RGS6: variants seen among roughly 807,000 people sequenced by gnomAD.
RGS6 encodes regulator of G-protein signaling 6.
RGS6 carries 30 observed loss-of-function variants against 78.5 expected under a neutral mutation model. The ratio of observed to expected loss-of-function variants is 0.38; its 90% CI spans 0.29 to 0.52. The LOEUF (loss-of-function observed/expected upper bound fraction) is 0.52, where lower values mean the gene tolerates loss of function less well. RGS6 is among the 20% of genes least tolerant of loss of function. The pLI is 0.85. For synonymous variants in RGS6, 206 were observed against 206.0 expected (o/e 1.00, Z 0.00); for missense variants, 495 against 609.7 (o/e 0.81, Z 1.98).
the RGS6 span, among the ~76,000 whole-genome samples, chr14:72,606,452 C>T: frequency 2.0e-5 from 3 of 152,120 alleles, no homozygotes; most frequent in South Asian, 2.1e-4. Flanking sequence ...ATATCTCTAT[C>T]GCAACCCCAC....
chr14:72,027,507 T>C (rs945666115), intron 2 of RGS6, among the ~76,000 whole-genome samples: 16 of 151,754 alleles, frequency 1.1e-4, no homozygotes, highest in African/African-American at 3.9e-4. Flanking sequence ...CCTCTTCCAC[T>C]GGGAGTCCCA....
intron 1 of RGS6, among the ~76,000 whole-genome samples, chr14:71,961,682 T>C (rs1424612110): frequency 2.0e-5 from 3 of 152,190 alleles, no homozygotes; most frequent in Non-Finnish European, 4.4e-5. Flanking sequence ...GGGTTAGCTG[T>C]GAGTCCATAT....
At chr14:71,960,243 C>A (rs2153034562) in intron 1 of RGS6, among the ~76,000 whole-genome samples, 1 of 152,334 alleles carries the variant, frequency 6.6e-6, no homozygotes, top group African/African-American at 2.4e-5. Flanking sequence ...GCATCCCCTT[C>A]ACTATATTTT....
chr14:72,183,629 C>T (rs562829221), intron 2 of RGS6, among the ~76,000 whole-genome samples: 50 of 152,150 alleles, frequency 3.3e-4, no homozygotes, highest in African/African-American at 1.2e-3. Flanking sequence ...TTTGAAAGAA[C>T]ATGAATAATA....
At chr14:72,051,157 GA>G (rs201307998) in intron 2 of RGS6, among the ~76,000 whole-genome samples, 1 of 151,850 alleles carries the variant, frequency 6.6e-6, no homozygotes, top group East Asian at 1.9e-4. Context: ...AATGCAGTGG[GA>G]AAAAAAAGCA....
At chr14:71,881,810 G>C in the RGS6 span, among the ~76,000 whole-genome samples, 3 of 152,134 alleles carry the variant, frequency 2.0e-5, no homozygotes, top group Non-Finnish European at 4.4e-5. Flanking sequence ...CCAAACTAAA[G>C]GTGTATCTGA....
At chr14:72,462,846 C>T (rs1449320571) in intron 6 of RGS6, among the ~76,000 whole-genome samples, 1 of 152,136 alleles carries the variant, frequency 6.6e-6, no homozygotes, top group African/African-American at 2.4e-5. Flanking sequence ...AGGTTACCTC[C>T]AGTCTAAAAT....
chr14:72,292,494 G>A (rs1292677723), intron 2 of RGS6, among the ~76,000 whole-genome samples: 1 of 152,250 alleles, frequency 6.6e-6, no homozygotes, highest in African/African-American at 2.4e-5. Flanking sequence ...CTGCAGACTA[G>A]AGGGAAATGA....
At chr14:72,427,493 G>C (rs914965676) in intron 3 of RGS6, among the ~76,000 whole-genome samples, 1 of 152,172 alleles carries the variant, frequency 6.6e-6, no homozygotes, top group Admixed American at 6.5e-5. Flanking sequence ...AAAGTGAGGT[G>C]AGCCGACCAA....
intron 2 of RGS6, among the ~76,000 whole-genome samples, chr14:72,346,020 A>G (rs1442523102): frequency 6.6e-6 from 1 of 152,170 alleles, no homozygotes; most frequent in African/African-American, 2.4e-5. Context: ...TCCTTTGCAG[A>G]CACCAAAACA....
At chr14:72,275,628 C>T (rs895708188) in intron 2 of RGS6, among the ~76,000 whole-genome samples, 1 of 152,178 alleles carries the variant, frequency 6.6e-6, no homozygotes, top group Non-Finnish European at 1.5e-5. Flanking sequence ...TAATCTATAG[C>T]ATCTATTGGC....
At chr14:72,122,379 G>T (rs1239700375) in intron 2 of RGS6, among the ~76,000 whole-genome samples, 1 of 152,104 alleles carries the variant, frequency 6.6e-6, no homozygotes, top group African/African-American at 2.4e-5. Flanking sequence ...ACAGACCACT[G>T]ATATCTACTG....
chr14:72,176,295 G>T (rs1598880420), intron 2 of RGS6, among the ~76,000 whole-genome samples: 1 of 152,186 alleles, frequency 6.6e-6, no homozygotes, highest in Admixed American at 6.5e-5. Flanking sequence ...CCCTCATTGG[G>T]GGAGATGACA....
chr14:71,962,779 T>G (rs1022336359), intron 1 of RGS6, among the ~76,000 whole-genome samples: 1 of 152,244 alleles, frequency 6.6e-6, no homozygotes. Context: ...TTTCGGCAAT[T>G]AAATTCTTAG....
In RGS6 at chr14:72,098,886, T is replaced by A. The variant is rs149983765; in HGVS notation, c.84+134011T>A. 5.5e-3 allele frequency among the ~76,000 whole-genome samples: 845 copies of A among 152,318 alleles called. 3 individuals are homozygous for A. The highest frequency in any genetic ancestry group is 0.018 in the African/African-American group (755 of 41,554). ...CTGTACTGCTAAGTGCGTAGAGCCCTAGTACCCACAGGGCACACACAAACA... is the reference window on the plus strand; with the variant it reads ...CTGTACTGCTAAGTGCGTAGAGCCCAAGTACCCACAGGGCACACACAAACA... On this transcript the variant is annotated intron_variant, in intron 2 of 17. Coordinates refer to ENST00000553525, the MANE Select transcript of RGS6 (RefSeq NM_001204424.2).
intron 2 of RGS6, among the ~76,000 whole-genome samples, chr14:71,988,841 A>G (rs2094833556): frequency 6.6e-6 from 1 of 152,196 alleles, no homozygotes; most frequent in Admixed American, 6.5e-5. Context: ...AATTAGAAAC[A>G]AGTGCACATT....
At chr14:72,622,854 C>T in the RGS6 span, among the ~76,000 whole-genome samples, 1 of 152,164 alleles carries the variant, frequency 6.6e-6, no homozygotes, top group African/African-American at 2.4e-5. Context: ...CAACCTCACC[C>T]CCTGACTCCT....
chr14:72,348,512 C>T (rs79387502), intron 2 of RGS6, among the ~76,000 whole-genome samples: 21,926 of 152,182 alleles, frequency 0.14, 1,534 homozygotes, highest in East Asian at 0.18. Context: ...ACTCTTGGGA[C>T]TTCTCCAGAA....
chr14:72,575,676 T>C, the RGS6 span, among the ~76,000 whole-genome samples: 1 of 152,220 alleles, frequency 6.6e-6, no homozygotes, highest in East Asian at 1.9e-4. Flanking sequence ...TTTTGAATAC[T>C]CCCACCACAA....
Sources: allele counts gnomAD v4.1 joint callset (sites outside exome capture counted in the v4.1 genomes callset), GRCh38; gene constraint gnomAD v4.1.1; transcripts MANE v1.5; gene names NCBI Gene and HGNC (gene_info 2026-07-23, HGNC 2026-07-21).